The following SPIN1 variants were observed in gnomAD, a reference collection of about 807,000 sequenced individuals.
SPIN1 encodes the protein spindlin 1.
Under a neutral mutation model 26.0 loss-of-function variants are expected in SPIN1, and 3 were observed. That is an observed-to-expected ratio of 0.12 (90% CI 0.05 to 0.30). The LOEUF is 0.30. Among genes scored for constraint, SPIN1 ranks in the 10% least tolerant of loss-of-function variants. The pLI, the probability that SPIN1 is intolerant of heterozygous loss-of-function variation, is 1.00. For synonymous variants in SPIN1, 101 were observed against 116.5 expected (o/e 0.87, Z 0.86); for missense variants, 126 against 333.4 (o/e 0.38, Z 4.84).
At chr9:88,399,415 A>G (rs772621181) in intron 1 of SPIN1, among the ~76,000 whole-genome samples, 4 of 152,188 alleles carry the variant, frequency 2.6e-5, no homozygotes, top group Non-Finnish European at 4.4e-5. Flanking sequence ...AGAAAGGAAG[A>G]TGGATGTAAA....
At position 88,470,594 on chromosome 9, in the gene SPIN1, C is replaced by G. The variant is rs557824279; in HGVS notation, c.589+1989C>G. Among the ~76,000 whole-genome samples, 1,095 of 127,764 alleles carry G rather than the reference C, an allele frequency of 8.6e-3. 12 individuals carry two copies. The highest frequency in any genetic ancestry group is 0.05 in the African/African-American group (1,021 of 20,290). 83.8% of individuals were successfully genotyped at this position (127,764 alleles called of 152,430 possible). On this transcript the variant is annotated intron_variant, in intron 5 of 5. Transcript: ENST00000375859. The stretch of plus-strand genomic sequence containing the variant: ...AAGCATCTTTCATATGCTTATTGGC[C>G]CCCCCCCTTTTTTTTTTTGAGACAG...
At chr9:88,442,904 G>A (rs900917824) in intron 2 of SPIN1, among the ~76,000 whole-genome samples, 2 of 150,962 alleles carry the variant, frequency 1.3e-5, no homozygotes, top group African/African-American at 2.4e-5. Context: ...GGCAAATCAC[G>A]AGGTCAGGAG....
At chr9:88,408,391 T>C (rs558934444) in intron 1 of SPIN1, among the ~76,000 whole-genome samples, 77 of 148,098 alleles carry the variant, frequency 5.2e-4, no homozygotes, top group Non-Finnish European at 2.2e-4. Flanking sequence ...TTTTTTTTTT[T>C]TTTTGAGACG....
chr9:88,462,405 G>A, intron 3 of SPIN1, 91 bp from the exon 4 acceptor site: 1 of 1,519,448 alleles, frequency 6.6e-7, no homozygotes, highest in Non-Finnish European at 8.9e-7. Flanking sequence ...GGGACCATCT[G>A]TAATGAGATC....
At chr9:88,456,769 A>T (rs1431439560) in intron 3 of SPIN1, among the ~76,000 whole-genome samples, 1 of 152,200 alleles carries the variant, frequency 6.6e-6, no homozygotes, top group Non-Finnish European at 1.5e-5. Flanking sequence ...CTAAACGCAT[A>T]AAAGACAGTC....
rs375445718 is a variant in SPIN1, at chr9:88,399,487, G to A, written c.-159+10949G>A. On this transcript the variant is annotated intron_variant, in intron 1 of 5. Coordinates refer to ENST00000375859, the MANE Select transcript of SPIN1 (RefSeq NM_006717.3). Reference sequence around the variant, plus strand: ...GTACATGGAAACCATGCTAGTTCTAGTTGCCTTTGTTCCTGCTTGTGTGGG... The same window carrying A: ...GTACATGGAAACCATGCTAGTTCTAATTGCCTTTGTTCCTGCTTGTGTGGG... Among the ~76,000 whole-genome samples, 53 of 152,336 alleles carry A rather than the reference G, an allele frequency of 3.5e-4. 1 individual carries two copies. Among genetic ancestry groups the A allele is most frequent in the Admixed American group, 1.4e-3 (21 of 15,300 alleles).
intron 2 of SPIN1, among the ~76,000 whole-genome samples, chr9:88,428,304 A>C (rs1462818179): frequency 6.6e-6 from 1 of 152,218 alleles, no homozygotes; most frequent in Non-Finnish European, 1.5e-5. Context: ...TACTAGTTCC[A>C]GCAGGAAGTT....
Position 88,434,822 on chromosome 9 carries a change from C to T in SPIN1, c.52+8231C>T, listed in dbSNP as rs562584968. Among the ~76,000 whole-genome samples, 3 of 152,144 alleles carry T rather than the reference C, an allele frequency of 2.0e-5. No individual in the cohort carries two copies. In the South Asian group the frequency reaches 6.2e-4, roughly 32 times the overall value. On this transcript the variant is annotated intron_variant, in intron 2 of 5. Coordinates refer to ENST00000375859, the MANE Select transcript of SPIN1 (RefSeq NM_006717.3). ...CTGTAATCCCAACACTCTGGGAGGC[C>T]GAAGCGGGTGGGTCACTTGAGGAGT... is the stretch of plus-strand genomic sequence containing the variant.
intron 3 of SPIN1, among the ~76,000 whole-genome samples, chr9:88,453,823 C>T (rs952419663): frequency 6.6e-6 from 1 of 152,100 alleles, no homozygotes; most frequent in South Asian, 2.1e-4. Context: ...ACCGCGCCCG[C>T]GGTATCTTAA....
Position 88,410,436 on chromosome 9 carries a change from C to T in SPIN1, c.-158-15946C>T, listed in dbSNP as rs1004129027. 8.1e-5 allele frequency: 52 copies of T among 641,634 alleles called. 1 individual carries two copies. The highest frequency in any genetic ancestry group is 7.2e-4 in the African/African-American group (40 of 55,684). 39.7% of individuals were successfully genotyped at this position (641,634 alleles called of 1,614,324 possible). A position where few individuals can be genotyped will look rare whatever the true frequency, so the allele number is the denominator to read the frequency against. Reference sequence around the variant, plus strand: ...CTTTGTAGCATCTAGGCCCTGCCACCACTGTGCTTGGCTGAATTCACAAAT... The same window carrying T: ...CTTTGTAGCATCTAGGCCCTGCCACTACTGTGCTTGGCTGAATTCACAAAT... On this transcript the variant is annotated intron_variant, in intron 1 of 5. Coordinates refer to ENST00000375859, the MANE Select transcript of SPIN1 (RefSeq NM_006717.3).
intron 1 of SPIN1, among the ~76,000 whole-genome samples, chr9:88,408,316 C>T (rs1483297129): frequency 6.7e-6 from 1 of 149,992 alleles, no homozygotes; most frequent in East Asian, 2.0e-4. Flanking sequence ...TTCTCAGTCC[C>T]TTACCCTTGT....
chr9:88,459,793 C>G (rs1828541640), intron 3 of SPIN1, among the ~76,000 whole-genome samples: 1 of 152,092 alleles, frequency 6.6e-6, no homozygotes, highest in African/African-American at 2.4e-5. Flanking sequence ...GAACAGTATC[C>G]CCTGCCTTCT....
chr9:88,417,074 A>G lies in SPIN1; in HGVS notation c.-158-9308A>G, dbSNP rs368827635. Among the ~76,000 whole-genome samples, 17 of 151,618 alleles carry G rather than the reference A, an allele frequency of 1.1e-4. No individual in the cohort carries two copies. In the East Asian group the frequency reaches 2.9e-3, roughly 26 times the overall value. ...AAAGTTGCATTAAATTGCAGACATC[A>G]TGACACTTGTTAAAGTAAGGTTGTT... On this transcript the variant is annotated intron_variant, in intron 1 of 5. Transcript: ENST00000375859.
At chr9:88,435,312 C>G (rs1827979125) in intron 2 of SPIN1, among the ~76,000 whole-genome samples, 1 of 151,622 alleles carries the variant, frequency 6.6e-6, no homozygotes, top group Non-Finnish European at 1.5e-5. Context: ...ACCTCCTGGA[C>G]TCAAGCGAAT....
At chr9:88,466,637 A>G (rs1360781787) in intron 4 of SPIN1, among the ~76,000 whole-genome samples, 1 of 152,220 alleles carries the variant, frequency 6.6e-6, no homozygotes, top group Admixed American at 6.5e-5. Context: ...TTAAATAGCA[A>G]TACATGTATC....
At chr9:88,411,991 G>GA (rs1205036062) in intron 1 of SPIN1, among the ~76,000 whole-genome samples, 1 of 149,440 alleles carries the variant, frequency 6.7e-6, no homozygotes, top group Non-Finnish European at 1.5e-5. Context: ...CTAGTGCGGT[G>GA]AAACCCCGTC....
chr9:88,448,458 C>T (rs986537416), intron 2 of SPIN1, among the ~76,000 whole-genome samples: 1 of 152,078 alleles, frequency 6.6e-6, no homozygotes, highest in Non-Finnish European at 1.5e-5. Context: ...CTCAAGCACT[C>T]CCCCCACCTC....
intron 4 of SPIN1, among the ~76,000 whole-genome samples, chr9:88,467,956 C>T (rs540394881): frequency 1.4e-4 from 22 of 151,920 alleles, no homozygotes; most frequent in African/African-American, 4.3e-4. Context: ...CAAAGTGAAC[C>T]GTATACAGGA....
chr9:88,404,866 A>C (rs1365469261), intron 1 of SPIN1, among the ~76,000 whole-genome samples: 1 of 150,414 alleles, frequency 6.6e-6, no homozygotes, highest in Non-Finnish European at 1.5e-5. Context: ...CAGTGAGCCG[A>C]GATCGTGCCA....
Sources: gnomAD v4.1 joint callset for allele counts (sites outside exome capture counted in the v4.1 genomes callset) on GRCh38, gnomAD v4.1.1 for gene constraint, MANE v1.5 for transcripts, NCBI Gene and HGNC (gene_info 2026-07-23, HGNC 2026-07-21) for gene names.